The following GABRA5 variants were observed in gnomAD, a reference collection of about 807,000 sequenced individuals.
The protein encoded by GABRA5 is gamma-aminobutyric acid receptor subunit alpha-5.
GABRA5 carries 18 observed loss-of-function variants against 47.3 expected under a neutral mutation model. The observed-to-expected ratio is 0.38, with a 90% CI of 0.26 to 0.56. The LOEUF (loss-of-function observed/expected upper bound fraction) is 0.56, where lower values mean the gene tolerates loss of function less well. Ranked by LOEUF, GABRA5 falls within the 20% of genes least tolerant of loss-of-function variation. GABRA5 has a pLI of 0.71. For synonymous variants in GABRA5, 237 were observed against 229.3 expected, an observed-to-expected ratio of 1.03 and a Z score of -0.30; for missense variants, 365 against 599.3, an observed-to-expected ratio of 0.61 and a Z score of 4.08.
chr15:26,912,591 A>T (rs1049237298), intron 6 of GABRA5, among the ~76,000 whole-genome samples: 2 of 152,354 alleles, frequency 1.3e-5, no homozygotes, highest in East Asian at 3.9e-4. Context: ...ATAAAAGTCC[A>T]GCAACAGCTA....
In GABRA5 at chr15:26,943,387, C is replaced by T. The variant is rs1889880267; in HGVS notation, c.1050C>T (p.Ala350=). 5.6e-6 allele frequency: 9 copies of T among 1,598,898 alleles called. No homozygotes were observed. The highest frequency in any genetic ancestry group is 7.7e-6 in the Non-Finnish European group (9 of 1,172,692). The part of the protein sequence containing the change: ...TVNYFTKRGW[A]WDGKKALEAA... ...ATTACTTTACCAAGAGAGGCTGGGCCTGGGATGGCAAAAAAGCCTTGGAAG... is the reference window on the plus strand; with the variant it reads ...ATTACTTTACCAAGAGAGGCTGGGCTTGGGATGGCAAAAAAGCCTTGGAAG... Residue 350 remains alanine, a synonymous_variant, in exon 10 of 11, where the codon GCC becomes GCT. Coordinates refer to ENST00000335625, the MANE Select transcript of GABRA5 (RefSeq NM_000810.4).
At chr15:26,946,083 C>T (rs1356667226) in intron 10 of GABRA5, among the ~76,000 whole-genome samples, 5 of 152,192 alleles carry the variant, frequency 3.3e-5, no homozygotes, top group Non-Finnish European at 5.9e-5. Flanking sequence ...AGGGGGTCCT[C>T]ATGCCCCTGC....
intron 6 of GABRA5, among the ~76,000 whole-genome samples, chr15:26,893,386 G>A (rs937940346): frequency 5.0e-3 from 2 of 398 alleles, no homozygotes; most frequent in Admixed American, 0.059. Context: ...GGGACTATAT[G>A]GAGTATGTGT....
chr15:26,945,053 A>G (rs1219939303), intron 10 of GABRA5, among the ~76,000 whole-genome samples: 2 of 152,134 alleles, frequency 1.3e-5, no homozygotes, highest in Non-Finnish European at 2.9e-5. Flanking sequence ...GAGGGAGGAG[A>G]GAGGATGAAA....
chr15:26,944,927 A>G (rs1894474817), intron 10 of GABRA5, among the ~76,000 whole-genome samples: 1 of 152,030 alleles, frequency 6.6e-6, no homozygotes, highest in African/African-American at 2.4e-5. Context: ...GAGAGAGCAC[A>G]CCTGTGGCTG....
chr15:26,897,287 A>G (rs938084648), intron 6 of GABRA5, among the ~76,000 whole-genome samples: 1 of 152,186 alleles, frequency 6.6e-6, no homozygotes, highest in Admixed American at 6.5e-5. Context: ...AAGGGCCCTC[A>G]TCCAATATAA....
intron 6 of GABRA5, among the ~76,000 whole-genome samples, chr15:26,900,530 T>C (rs1195766287): frequency 6.6e-6 from 1 of 152,170 alleles, no homozygotes; most frequent in Non-Finnish European, 1.5e-5. Context: ...TTAAAGAATG[T>C]ATTTTTTAAA....
At chr15:26,874,779 TAA>T (rs78745508) in intron 3 of GABRA5, among the ~76,000 whole-genome samples, 7 of 151,956 alleles carry the variant, frequency 4.6e-5, no homozygotes, top group African/African-American at 1.7e-4. Context: ...TATTTTAAAA[TAA>T]AAAAAAGTCA....
chr15:26,893,546 G>A (rs1298268357), intron 6 of GABRA5, among the ~76,000 whole-genome samples: 1 of 149,462 alleles, frequency 6.7e-6, no homozygotes, highest in Non-Finnish European at 1.5e-5. Context: ...CGGTGGGGAG[G>A]ACTGCAGCTG....
intron 6 of GABRA5, among the ~76,000 whole-genome samples, chr15:26,906,949 G>T (rs921419513): frequency 6.6e-6 from 1 of 152,064 alleles, no homozygotes; most frequent in African/African-American, 2.4e-5. Context: ...TCAAACTTAC[G>T]ATGGTTTTCC....
At chr15:26,921,446 C>T (rs538211768) in intron 7 of GABRA5, among the ~76,000 whole-genome samples, 5 of 152,176 alleles carry the variant, frequency 3.3e-5, no homozygotes, top group Admixed American at 6.5e-5. Context: ...TCTGCAGTGT[C>T]TGTAGTGATA....
At chr15:26,917,412 C>T (rs1383568278) in intron 7 of GABRA5, among the ~76,000 whole-genome samples, 2 of 152,018 alleles carry the variant, frequency 1.3e-5, no homozygotes, top group African/African-American at 2.4e-5. Flanking sequence ...CTTTGCATCC[C>T]AGAGATAAAT....
intron 7 of GABRA5, among the ~76,000 whole-genome samples, chr15:26,915,737 T>C (rs964652279): frequency 6.6e-6 from 1 of 152,190 alleles, no homozygotes; most frequent in Non-Finnish European, 1.5e-5. Context: ...AGTTTTCACT[T>C]TGAAAGCAGA....
At chr15:26,941,786 C>T (rs763036083) in intron 9 of GABRA5, among the ~76,000 whole-genome samples, 1 of 152,164 alleles carries the variant, frequency 6.6e-6, no homozygotes, top group Non-Finnish European at 1.5e-5. Context: ...GCATCACTCC[C>T]GCCCTCACAC....
intron 3 of GABRA5, chr15:26,877,723 C>G: frequency 2.2e-6 from 1 of 453,510 alleles, no homozygotes; most frequent in Non-Finnish European, 4.4e-6. Flanking sequence ...AATGTTGGAA[C>G]TGAGAATATG....
chr15:26,916,443 T>C (rs1893718911), intron 7 of GABRA5, among the ~76,000 whole-genome samples: 3 of 152,198 alleles, frequency 2.0e-5, no homozygotes, highest in Non-Finnish European at 2.9e-5. Flanking sequence ...TATGTCAGCC[T>C]TTATGCCTGT....
rs72082419 is a variant in GABRA5, at chr15:26,930,006, C to CTTTTTTTTTTTTTTTTTTTTTTTTTT, written c.581-7163_581-7162insTTTTTTTTTTTTTTTTTTTTTTTTTT. ...CTTTCTTCTTCTTCTTCTTCTTCTT[C>CTTTTTTTTTTTTTTTTTTTTTTTTTT]TTTTTTTTTTTTTTTTGTTTTTTGT... On this transcript the variant is annotated intron_variant, in intron 7 of 10. Coordinates refer to ENST00000335625, the MANE Select transcript of GABRA5 (RefSeq NM_000810.4). Among the ~76,000 whole-genome samples the CTTTTTTTTTTTTTTTTTTTTTTTTTT allele has an allele frequency of 8.8e-5, 10 of 113,380 alleles. No homozygotes were observed. The East Asian group carries it at 1.8e-3, about 20-fold the overall frequency. 74.4% of individuals were successfully genotyped at this position (113,380 alleles called of 152,430 possible). A position where few individuals can be genotyped will look rare whatever the true frequency, so the allele number is the denominator to read the frequency against.
chr15:26,877,601 C>G (rs1271036535), intron 3 of GABRA5: 1 of 448,360 alleles, frequency 2.2e-6, no homozygotes, highest in African/African-American at 2.0e-5. Context: ...AAGAGAAGCA[C>G]GTCACACACT....
rs1186567951 is a variant in GABRA5 at position 26,943,283 on chromosome 15, T to A, written c.946T>A (p.Tyr316Asn). Residue 316 changes from tyrosine to asparagine, a missense_variant, in exon 10 of 11, where the codon TAC becomes AAC. Coordinates refer to ENST00000335625, the MANE Select transcript of GABRA5 (RefSeq NM_000810.4). Reference sequence around the variant, plus strand: ...CAGGAACTCTCTGCCCAAAGTGGCCTACGCCACCGCCATGGACTGGTTCAT... The same window carrying A: ...CAGGAACTCTCTGCCCAAAGTGGCCAACGCCACCGCCATGGACTGGTTCAT... Reference protein sequence around the residue: ...SARNSLPKVAYATAMDWFIAV... With the variant: ...SARNSLPKVANATAMDWFIAV... The A allele has an allele frequency of 1.9e-6, 3 of 1,573,096 alleles. No homozygotes were observed. Among genetic ancestry groups the A allele is most frequent in the Non-Finnish European group, 1.7e-6 (2 of 1,159,482 alleles).
Sources: gnomAD v4.1 joint callset for allele counts (sites outside exome capture counted in the v4.1 genomes callset) on GRCh38, gnomAD v4.1.1 for gene constraint, MANE v1.5 for transcripts, NCBI Gene and HGNC (gene_info 2026-07-23, HGNC 2026-07-21) for gene names.